Variants in DCUN1D3 observed in about 807,000 individuals in gnomAD.
The protein encoded by DCUN1D3 is defective in cullin neddylation 1 domain containing 3.
DCUN1D3 carries 6 observed loss-of-function variants against 24.8 expected under a neutral mutation model. The observed-to-expected ratio is 0.24, with a 90% CI of 0.13 to 0.48. DCUN1D3 has a LOEUF of 0.48. Ranked by LOEUF, DCUN1D3 falls within the 20% of genes least tolerant of loss-of-function variation. DCUN1D3 has a pLI of 0.99. For missense variants in DCUN1D3, 258 were observed against 379.4 expected (o/e 0.68, Z 2.66); for synonymous variants, 120 against 144.9 (o/e 0.83, Z 1.24).
intron 1 of DCUN1D3, among the ~76,000 whole-genome samples, chr16:20,890,355 T>C (rs565467142): frequency 4.5e-4 from 69 of 152,018 alleles, no homozygotes; most frequent in South Asian, 1.2e-3. Context: ...TCTGAGGGTG[T>C]GGGGGCCCAC....
Position 20,862,357 on chromosome 16 carries a change from G to C in DCUN1D3, c.182C>G (p.Ala61Gly). 1 of 1,614,204 alleles carries C rather than the reference G, an allele frequency of 6.2e-7. No individual in the cohort carries two copies. The highest frequency in any genetic ancestry group is 8.5e-7 in the Non-Finnish European group (1 of 1,180,038). Residue 61 changes from alanine to glycine, a missense_variant, in exon 2 of 3, where the codon GCT (alanine) becomes GGT (glycine). By Grantham distance (60) the Ala-to-Gly change is moderately conservative. Transcript: ENST00000324344. ...TGGCAGCTGGCAGGCCTCAGTGGCA[G>C]CCTCGGCCTTCTTGGTCCCGTTGAC... ...ILVNGTKKAE[A>G]ATEACQLPTS...
chr16:20,882,683 G>A (rs2081850342), intron 1 of DCUN1D3, among the ~76,000 whole-genome samples: 2 of 152,154 alleles, frequency 1.3e-5, no homozygotes, highest in South Asian at 4.1e-4. Flanking sequence ...AAAAATTATT[G>A]GAACAAGTAG....
intron 1 of DCUN1D3, among the ~76,000 whole-genome samples, chr16:20,869,609 G>A (rs2081778612): frequency 6.6e-6 from 1 of 152,140 alleles, no homozygotes; most frequent in African/African-American, 2.4e-5. Context: ...ATGTCTATAA[G>A]CATGAAATGG....
rs1353680188 is a variant in DCUN1D3 at position 20,860,686 on chromosome 16, G to C, written c.432-317C>G. ...ACTCAAGTCTCCTGCTCCCTGCCCT[G>C]TTTCCCGCTCTGCAATAGCGATTAA... On this transcript the variant is annotated intron_variant, in intron 2 of 2. Coordinates refer to ENST00000324344, the MANE Select transcript of DCUN1D3 (RefSeq NM_173475.4). The surrounding 1 kb of genome is among the most constrained non-coding windows in gnomAD (Gnocchi z 4.3). 6.6e-6 allele frequency among the ~76,000 whole-genome samples: 1 copy of C among 152,150 alleles called. No individual in the cohort carries two copies. The highest frequency in any genetic ancestry group is 1.5e-5 in the Non-Finnish European group (1 of 68,028).
rs980132585 is a variant in DCUN1D3 at position 20,857,212 on chromosome 16, T to G, written c.*2674A>C. ...GAAATCTTTGCTGAGCATCAAGTAC[T>G]CAAACTTGAAAGGAACTTGTAAGTC... On this transcript the variant is annotated 3_prime_UTR_variant, in exon 3 of 3. Coordinates refer to ENST00000324344, the MANE Select transcript of DCUN1D3 (RefSeq NM_173475.4). 6.6e-6 allele frequency: 1 copy of G among 152,232 alleles called. No homozygotes were observed. Among genetic ancestry groups the G allele is most frequent in the African/African-American group, 2.4e-5 (1 of 41,458 alleles). The allele number at this position is 152,232 out of a possible 1,614,324, so 9.4% of individuals were successfully genotyped here. A position where few individuals can be genotyped will look rare whatever the true frequency, so the allele number is the denominator to read the frequency against.
chr16:20,895,971 C>A (rs973833895), intron 1 of DCUN1D3, among the ~76,000 whole-genome samples: 2 of 152,232 alleles, frequency 1.3e-5, no homozygotes, highest in African/African-American at 4.8e-5. Flanking sequence ...TCCCAGACTA[C>A]TTCAAGTACT....
Position 20,862,347 on chromosome 16 carries a change from C to T in DCUN1D3, c.192G>A (p.Glu64=), listed in dbSNP as rs1317957686. The change falls in exon 2 of 3, where the codon GAG becomes GAA. Residue 64 remains glutamate, a synonymous_variant. Coordinates refer to ENST00000324344, the MANE Select transcript of DCUN1D3 (RefSeq NM_173475.4). ...CCGAGGACGTTGGCAGCTGGCAGGCCTCAGTGGCAGCCTCGGCCTTCTTGG... is the reference window on the plus strand; with the variant it reads ...CCGAGGACGTTGGCAGCTGGCAGGCTTCAGTGGCAGCCTCGGCCTTCTTGG... The part of the protein sequence containing the change: ...NGTKKAEAAT[E]ACQLPTSSGD... 1 of 1,614,088 alleles carries T rather than the reference C, an allele frequency of 6.2e-7. No individual in the cohort carries two copies. Among genetic ancestry groups the T allele is most frequent in the African/African-American group, 1.3e-5 (1 of 74,936 alleles).
At position 20,877,298 on chromosome 16, in the gene DCUN1D3, C is replaced by T. The variant is rs148804202; in HGVS notation, c.-105-14655G>A. Among the ~76,000 whole-genome samples the T allele has an allele frequency of 1.0e-3, 157 of 152,196 alleles. 2 individuals are homozygous for T. The East Asian group carries it at 0.024, about 23-fold the overall frequency. ...CACGGTGAAGAATAAATGGCTGCTT[C>T]ATATGAGATGGGTCTCAGTTCACGT... is the stretch of plus-strand genomic sequence containing the variant. On this transcript the variant is annotated intron_variant, in intron 1 of 2. Transcript: ENST00000324344.
At chr16:20,862,749 A>G in intron 1 of DCUN1D3, 106 bp from the exon 2 acceptor site, 4 of 1,122,246 alleles carry the variant, frequency 3.6e-6, no homozygotes, top group Non-Finnish European at 4.8e-6. Flanking sequence ...ATGAGCCAAC[A>G]ACGAACCATG....
At chr16:20,878,553 G>A (rs1417274569) in intron 1 of DCUN1D3, among the ~76,000 whole-genome samples, 1 of 152,220 alleles carries the variant, frequency 6.6e-6, no homozygotes, top group East Asian at 1.9e-4. Context: ...CTGCTGGTCT[G>A]AACTGCATCT....
At chr16:20,878,378 T>C (rs1173089805) in intron 1 of DCUN1D3, among the ~76,000 whole-genome samples, 4 of 152,188 alleles carry the variant, frequency 2.6e-5, no homozygotes, top group Admixed American at 2.0e-4. Flanking sequence ...TTTTGACCTG[T>C]ACCTCAGGAT....
At chr16:20,883,101 A>C (rs546593713) in intron 1 of DCUN1D3, among the ~76,000 whole-genome samples, 101 of 152,346 alleles carry the variant, frequency 6.6e-4, no homozygotes, top group African/African-American at 2.4e-3. Flanking sequence ...CTGAAATCTG[A>C]AATTCTTCAA....
intron 1 of DCUN1D3, among the ~76,000 whole-genome samples, 174 bp from the exon 2 acceptor site, chr16:20,862,817 C>T (rs966504352): frequency 5.3e-5 from 8 of 152,194 alleles, no homozygotes; most frequent in Non-Finnish European, 1.0e-4. Context: ...TTCACCTTGG[C>T]GACGCAGAGG....
intron 1 of DCUN1D3, among the ~76,000 whole-genome samples, chr16:20,875,588 A>T (rs1275751232): frequency 6.6e-6 from 1 of 152,208 alleles, no homozygotes; most frequent in Non-Finnish European, 1.5e-5. Flanking sequence ...AGAAGAATAA[A>T]ACTAGATCCC....
intron 1 of DCUN1D3, among the ~76,000 whole-genome samples, chr16:20,892,056 G>A (rs1350353264): frequency 1.3e-5 from 2 of 152,094 alleles, no homozygotes; most frequent in Non-Finnish European, 2.9e-5. Flanking sequence ...GCTCATCTCC[G>A]ACAACTGAAC....
chr16:20,875,950 A>C (rs1183955008), intron 1 of DCUN1D3, among the ~76,000 whole-genome samples: 4 of 151,982 alleles, frequency 2.6e-5, no homozygotes, highest in African/African-American at 9.7e-5. Flanking sequence ...TAATAATAAT[A>C]ATCTGATTTT....
chr16:20,875,812 A>G (rs1482561198), intron 1 of DCUN1D3, among the ~76,000 whole-genome samples: 1 of 152,206 alleles, frequency 6.6e-6, no homozygotes, highest in Non-Finnish European at 1.5e-5. Context: ...TCTACACAGC[A>G]AAGTAAACAA....
At chr16:20,884,406 C>T (rs2081859246) in intron 1 of DCUN1D3, among the ~76,000 whole-genome samples, 1 of 152,116 alleles carries the variant, frequency 6.6e-6, no homozygotes, top group African/African-American at 2.4e-5. Flanking sequence ...CAACTCGGCC[C>T]CTCCCCTTTC....
intron 1 of DCUN1D3, among the ~76,000 whole-genome samples, chr16:20,890,876 A>G (rs1367280189): frequency 6.6e-6 from 1 of 151,928 alleles, no homozygotes; most frequent in African/African-American, 2.4e-5. Context: ...CTAGCAGGAA[A>G]TCAGGTCCTA....
Sources: allele counts gnomAD v4.1 joint callset (sites outside exome capture counted in the v4.1 genomes callset), GRCh38; gene constraint gnomAD v4.1.1; non-coding constraint Gnocchi (gnomAD v3.1); transcripts MANE v1.5; gene names NCBI Gene and HGNC (gene_info 2026-07-23, HGNC 2026-07-21).